SZT2: variants seen among roughly 807,000 people sequenced by gnomAD.
SZT2 encodes the protein KICSTOR complex protein SZT2.
In SZT2, 216 loss-of-function variants were observed where a neutral mutation model predicts 404.2. The observed-to-expected ratio is 0.53, with a 90% CI of 0.48 to 0.60. The LOEUF (loss-of-function observed/expected upper bound fraction) is 0.60, where lower values mean the gene tolerates loss of function less well. Among genes scored for constraint, SZT2 ranks in the 20% least tolerant of loss-of-function variants. SZT2 has a pLI of 0.00. For missense variants in SZT2, 3,857 were observed against 4,459.2 expected (o/e 0.86, Z 3.85); for synonymous variants, 1,693 against 1,749.9 (o/e 0.97, Z 0.81).
intron 28 of SZT2, chr1:43,428,941 C>T (rs533230389): frequency 3.1e-5 from 6 of 191,364 alleles, no homozygotes; most frequent in African/African-American, 2.3e-5. Flanking sequence ...GGCAAGCAGG[C>T]AGACAGCTAT....
At chr1:43,440,639 T>G (rs1485941701) in intron 52 of SZT2, 53 bp downstream of exon 52, 8 of 1,497,146 alleles carry the variant, frequency 5.3e-6, no homozygotes, top group Non-Finnish European at 7.1e-6. Flanking sequence ...GCCTCCTAGC[T>G]CCTCCCACAC....
At position 43,425,967 on chromosome 1, in the gene SZT2, C is replaced by G; in HGVS notation, c.2929+18C>G. 1 of 1,613,068 alleles carries G rather than the reference C, an allele frequency of 6.2e-7. No homozygotes were observed. The highest frequency in any genetic ancestry group is 8.5e-7 in the Non-Finnish European group (1 of 1,179,078). On this transcript the variant is annotated intron_variant, in intron 20 of 71. Coordinates refer to ENST00000634258, the MANE Select transcript of SZT2 (RefSeq NM_001365999.1). This position sits in a 1 kb window ranked among gnomAD's most constrained non-coding sequence, Gnocchi z 4.3. ...CTCTGATGGTGAGTGGGGCAGGCGG[C>G]CCACTGGTGGAGCAGGGGAGTGGGT...
intron 1 of SZT2, among the ~76,000 whole-genome samples, chr1:43,402,798 A>G (rs553479469): frequency 5.1e-4 from 77 of 152,172 alleles, no homozygotes; most frequent in Non-Finnish European, 9.1e-4. Flanking sequence ...GCATTCGTGT[A>G]ATGTATTAGG....
chr1:43,411,105 G>C (rs1650986899), intron 4 of SZT2, among the ~76,000 whole-genome samples: 1 of 152,210 alleles, frequency 6.6e-6, no homozygotes, highest in South Asian at 2.1e-4. Flanking sequence ...CCCAGCAAAG[G>C]GGGAGTCCTT....
chr1:43,394,045 CTG>C (rs1648708953), intron 1 of SZT2: 3 of 983,436 alleles, frequency 3.1e-6, no homozygotes, highest in South Asian at 4.7e-5. Flanking sequence ...CCAGACTACT[CTG>C]AGAGTAATGA....
Position 43,420,078 on chromosome 1 carries a change from T to G in SZT2, c.1091-75T>G. 1 of 1,575,516 alleles carries G rather than the reference T, an allele frequency of 6.3e-7. No homozygotes were observed. The highest frequency in any genetic ancestry group is 1.1e-5 in the South Asian group (1 of 87,570). ...CTGTTACCTCACAGTCATTTCAGCA[T>G]AGCCCCTTCCCCCTACAGATCTGTC... On this transcript the variant is annotated intron_variant, in intron 8 of 71. Coordinates refer to ENST00000634258, the MANE Select transcript of SZT2 (RefSeq NM_001365999.1). The surrounding 1 kb of genome is among the most constrained non-coding windows in gnomAD (Gnocchi z 5.1).
chr1:43,434,391 T>A lies in SZT2; in HGVS notation c.5810T>A (p.Leu1937Gln), dbSNP rs778424070. Residue 1937 changes from leucine to glutamine, a missense_variant, in exon 41 of 72, where the codon CTG becomes CAG. Physicochemically the swap from Leu to Gln is moderately radical, Grantham distance 113. Transcript: ENST00000634258. ...RVEVYAHARS[L>Q]IREDGGPGTE... ...AGATTATCCTTCCTTCCCAGGAGCC[T>A]GATTCGGGAGGATGGGGGGCCGGGC... The A allele has an allele frequency of 2.5e-6, 4 of 1,592,432 alleles. No homozygotes were observed. In the African/African-American group the frequency reaches 5.3e-5, roughly 21 times the overall value.
chr1:43,438,630 A>G, intron 46 of SZT2, 69 bp from the exon 47 acceptor site: 2 of 1,449,578 alleles, frequency 1.4e-6, no homozygotes, highest in Non-Finnish European at 1.9e-6. Flanking sequence ...GTTTGGCATG[A>G]TAGGGCTGCT....
rs1423728162 is a variant in SZT2, at chr1:43,454,047, G to T, written c.*3567G>T. The T allele has an allele frequency of 8.7e-7, 1 of 1,145,524 alleles. No individual in the cohort carries two copies. Among genetic ancestry groups the T allele is most frequent in the African/African-American group, 1.6e-5 (1 of 61,502 alleles). 71.0% of individuals were successfully genotyped at this position (1,145,524 alleles called of 1,614,324 possible). On this transcript the variant is annotated 3_prime_UTR_variant, in exon 72 of 72. Coordinates refer to ENST00000634258, the MANE Select transcript of SZT2 (RefSeq NM_001365999.1). ...CGGAAAAGGAGCAGGACCCGCGCCT[G>T]GAGAAGGTAGGGAGGCCGAGCTCCA...
intron 4 of SZT2, chr1:43,409,586 T>A: frequency 4.1e-6 from 1 of 241,370 alleles, no homozygotes; most frequent in Non-Finnish European, 8.6e-6. Context: ...AGATACAAAA[T>A]CAACATACAG....
intron 5 of SZT2, among the ~76,000 whole-genome samples, 161 bp downstream of exon 5, chr1:43,415,374 A>G (rs1163399591): frequency 6.6e-6 from 1 of 152,232 alleles, no homozygotes; most frequent in Non-Finnish European, 1.5e-5. Flanking sequence ...CTGTTGGAGC[A>G]GGACTCAGAT....
In SZT2 at chr1:43,431,781, T is replaced by C. The variant is rs1025788123; in HGVS notation, c.5154T>C (p.Pro1718=). The C allele has an allele frequency of 6.2e-7, 1 of 1,614,134 alleles. No individual in the cohort carries two copies. Among genetic ancestry groups the C allele is most frequent in the African/African-American group, 1.3e-5 (1 of 74,948 alleles). ...GAAGAGGGGGCATCCCACAGAGTCC[T>C]GCCCTGCACCGCGCAGCTGCCCATA... ...ALRRGGIPQS[P]ALHRAAAHIH... The change falls in exon 36 of 72, where the codon CCT becomes CCC. Residue 1718 remains proline (P), a synonymous_variant. Transcript: ENST00000634258.
At chr1:43,404,334 T>C in intron 3 of SZT2, 46 bp from the exon 4 acceptor site, 5 of 1,561,856 alleles carry the variant, frequency 3.2e-6, no homozygotes, top group Non-Finnish European at 3.5e-6. Context: ...GCCCTCTGGT[T>C]AGGGCTGCCT....
At position 43,451,665 on chromosome 1, in the gene SZT2, T is replaced by C; in HGVS notation, c.*1185T>C. The C allele has an allele frequency of 6.2e-7, 1 of 1,614,116 alleles. No homozygotes were observed. The highest frequency in any genetic ancestry group is 1.3e-5 in the African/African-American group (1 of 75,014). On this transcript the variant is annotated 3_prime_UTR_variant, in exon 72 of 72. Transcript: ENST00000634258. ...CCTCTCACCAACAATGGGCAGGAACTCCCGGATGTTTCCTGTCAGGTTCCC... is the reference window on the plus strand; with the variant it reads ...CCTCTCACCAACAATGGGCAGGAACCCCCGGATGTTTCCTGTCAGGTTCCC...
Position 43,443,445 on chromosome 1 carries a change from C to A in SZT2, c.8593C>A (p.Pro2865Thr), listed in dbSNP as rs146439294. ...LFDPAAWLHGPPETSGPPDGQ... is the reference protein window; with the variant it reads ...LFDPAAWLHGTPETSGPPDGQ... ...CGACCCAGCTGCCTGGCTGCATGGG[C>A]CCCCAGAGACCTCTGGACCCCCTGA... Residue 2865 changes from proline (P) to threonine (T), a missense_variant, in exon 61 of 72, where the codon CCC becomes ACC. Around this residue, in one of 7 missense-constraint regions of SZT2, gnomAD observed 717 missense variants for 868.2 expected, o/e 0.83. Coordinates refer to ENST00000634258, the MANE Select transcript of SZT2 (RefSeq NM_001365999.1). 11 of 1,614,086 alleles carry A rather than the reference C, an allele frequency of 6.8e-6. No individual in the cohort carries two copies. The South Asian group carries it at 1.2e-4, about 18-fold the overall frequency.
At position 43,441,592 on chromosome 1, in the gene SZT2, G is replaced by C. The variant is rs752330122; in HGVS notation, c.7600G>C (p.Val2534Leu). 2.5e-6 allele frequency: 4 copies of C among 1,614,112 alleles called. No individual in the cohort carries two copies. Among genetic ancestry groups the C allele is most frequent in the Middle Eastern group, 1.7e-4 (1 of 6,060 alleles). The change falls in exon 54 of 72, where the codon GTT becomes CTT. Residue 2534 changes from valine (V) to leucine (L), a missense_variant. Transcript: ENST00000634258. The surrounding 1 kb of genome is among the most constrained non-coding windows in gnomAD (Gnocchi z 4.8). ...TGCTCAGCGCTGGATGGAGTTTATG[G>C]TTCAGATTGGTGAGACCCCAGCCTC... The part of the protein sequence containing the change: ...RVAQRWMEFM[V>L]QIGCASVSRS...
chr1:43,445,683 CT>C, intron 62 of SZT2: 1 of 615,314 alleles, frequency 1.6e-6, no homozygotes, highest in African/African-American at 1.8e-5. Flanking sequence ...CTGTTTTTGC[CT>C]CCCTTGAAGC....
At position 43,409,833 on chromosome 1, in the gene SZT2, G is replaced by A. The variant is rs146853182; in HGVS notation, c.499-5249G>A. On this transcript the variant is annotated intron_variant, in intron 4 of 71. Coordinates refer to ENST00000634258, the MANE Select transcript of SZT2 (RefSeq NM_001365999.1). ...TCAGTATTGTTAAAATGCCCACACT[G>A]CCTAAAGCAGTCTACAGATTCAGTA... 7 of 158,166 alleles carry A rather than the reference G, an allele frequency of 4.4e-5. No individual in the cohort carries two copies. In the East Asian group the frequency reaches 9.4e-4, roughly 21 times the overall value. 9.8% of individuals were successfully genotyped at this position (158,166 alleles called of 1,614,324 possible). A position where few individuals can be genotyped will look rare whatever the true frequency, so the allele number is the denominator to read the frequency against.
chr1:43,403,169 G>GT lies in SZT2; in HGVS notation c.28-6dup, dbSNP rs763399950. 6.2e-7 allele frequency: 1 copy of GT among 1,613,928 alleles called. No homozygotes were observed. Among genetic ancestry groups the GT allele is most frequent in the Non-Finnish European group, 8.5e-7 (1 of 1,179,910 alleles). On this transcript the variant is annotated splice_region_variant and splice_polypyrimidine_tract_variant and intron_variant, in intron 1 of 71. Transcript: ENST00000634258. ...TTTAAAGATGTATTAATGTCTCTTT[G>GT]TTCCCAGGTGGAAGAAGCTGGGCAG...
Sources: gnomAD v4.1 joint callset for allele counts (sites outside exome capture counted in the v4.1 genomes callset) on GRCh38, gnomAD v4.1.1 for gene constraint, gnomAD v4.1.1 regional missense constraint, Gnocchi (gnomAD v3.1) non-coding constraint, MANE v1.5 for transcripts, NCBI Gene and HGNC (gene_info 2026-07-23, HGNC 2026-07-21) for gene names.